The following SMARCB1 variants were observed in gnomAD, a reference collection of about 807,000 sequenced individuals.
SMARCB1 encodes SWI/SNF related BAF chromatin remodeling complex subunit B1, also known as SWI/SNF-related matrix-associated actin-dependent regulator of chromatin subfamily B member 1.
SMARCB1 carries 5 observed loss-of-function variants against 49.0 expected under a neutral mutation model. The observed-to-expected ratio is 0.10, with a 90% confidence interval of 0.05 to 0.21. SMARCB1 has a LOEUF of 0.21. Ranked by LOEUF, SMARCB1 falls within the 10% of genes least tolerant of loss-of-function variation. SMARCB1 has a pLI of 1.00. For missense variants in SMARCB1, 226 were observed against 509.2 expected (o/e 0.44, Z 5.35); for synonymous variants, 201 against 200.1 (o/e 1.00, Z -0.04).
intron 6 of SMARCB1, chr22:23,817,644 C>T (rs961089333): frequency 6.6e-6 from 1 of 152,448 alleles, no homozygotes; most frequent in Non-Finnish European, 1.5e-5. Context: ...TCTTTGGGGT[C>T]GAGGAGCCTC....
intron 5 of SMARCB1, among the ~76,000 whole-genome samples, chr22:23,813,357 C>T (rs1355788786): frequency 6.6e-6 from 1 of 152,218 alleles, no homozygotes; most frequent in Non-Finnish European, 1.5e-5. Context: ...TTGCAGATGA[C>T]ATGATTGTCC....
At chr22:23,799,512 G>GTT (rs533099329) in intron 3 of SMARCB1, among the ~76,000 whole-genome samples, 15,672 of 107,784 alleles carry the variant, frequency 0.15, 1,573 homozygotes, top group Middle Eastern at 0.23. Flanking sequence ...TCACCTTTTG[G>GTT]TTTTTTTTTT....
chr22:23,796,010 C>T (rs989342809), intron 3 of SMARCB1, among the ~76,000 whole-genome samples: 1 of 151,944 alleles, frequency 6.6e-6, no homozygotes, highest in African/African-American at 2.4e-5. Context: ...CCAGGCTGGT[C>T]TCGAACTCCT....
intron 1 of SMARCB1, among the ~76,000 whole-genome samples, chr22:23,787,942 C>A (rs1196653716): frequency 6.6e-6 from 1 of 152,204 alleles, no homozygotes; most frequent in Non-Finnish European, 1.5e-5. Context: ...TAACCCTTAA[C>A]TAGAGTGGCT....
At chr22:23,787,859 C>G (rs1928112726) in intron 1 of SMARCB1, among the ~76,000 whole-genome samples, 1 of 152,190 alleles carries the variant, frequency 6.6e-6, no homozygotes, top group Non-Finnish European at 1.5e-5. Context: ...TTCAGCAGTT[C>G]TGAAGCGATT....
intron 6 of SMARCB1, chr22:23,817,795 C>T (rs1930285646): frequency 6.7e-6 from 1 of 149,222 alleles, no homozygotes; most frequent in Non-Finnish European, 1.5e-5. Flanking sequence ...CCAGCAACTT[C>T]CTCTGTGGTC....
At chr22:23,806,634 A>T (rs958971004) in intron 5 of SMARCB1, among the ~76,000 whole-genome samples, 1 of 152,240 alleles carries the variant, frequency 6.6e-6, no homozygotes, top group African/African-American at 2.4e-5. Context: ...CTTCAGAATC[A>T]GGATTGGCCA....
chr22:23,825,041 C>T, intron 6 of SMARCB1, 184 bp from the exon 7 acceptor site: 1 of 634,012 alleles, frequency 1.6e-6, no homozygotes, highest in East Asian at 2.7e-5. Flanking sequence ...CCCCTCATGG[C>T]AGACAGGGTT....
At chr22:23,796,965 G>A (rs1928787982) in intron 3 of SMARCB1, among the ~76,000 whole-genome samples, 1 of 151,998 alleles carries the variant, frequency 6.6e-6, no homozygotes, top group African/African-American at 2.4e-5. Context: ...CTCTCTCAGG[G>A]ATGCTGGGAT....
At chr22:23,806,708 G>A (rs1325005776) in intron 5 of SMARCB1, among the ~76,000 whole-genome samples, 2 of 152,046 alleles carry the variant, frequency 1.3e-5, no homozygotes, top group Non-Finnish European at 2.9e-5. Flanking sequence ...GATCACTTGA[G>A]GCCAGGAGTT....
intron 5 of SMARCB1, chr22:23,816,383 C>A (rs1930198072): frequency 2.6e-6 from 1 of 383,618 alleles, no homozygotes; most frequent in African/African-American, 2.1e-5. Flanking sequence ...TCTGTGCCAT[C>A]ACGTCTGCCA....
Position 23,834,731 on chromosome 22 carries a change from C to A in SMARCB1, c.*551C>A. The A allele has an allele frequency of 6.8e-7, 1 of 1,465,176 alleles. No individual in the cohort carries two copies. Among genetic ancestry groups the A allele is most frequent in the African/African-American group, 1.4e-5 (1 of 71,296 alleles). The allele number at this position is 1,465,176 out of a possible 1,614,324, so 90.8% of individuals were successfully genotyped here. ...AGCTCCCCTCAGCCTGTTCTCCTTC[C>A]AGACCCAGAGAGCTGAGAAGAGTAG... On this transcript the variant is annotated 3_prime_UTR_variant, in exon 9 of 9. Coordinates refer to ENST00000644036, the MANE Select transcript of SMARCB1 (RefSeq NM_003073.5).
chr22:23,825,196 T>A lies in SMARCB1; in HGVS notation c.796-29T>A, dbSNP rs565395305. The A allele has an allele frequency of 2.1e-5, 34 of 1,610,612 alleles. No individual in the cohort carries two copies. The Admixed American group carries it at 5.0e-4, about 24-fold the overall frequency. The stretch of plus-strand genomic sequence containing the variant: ...CGGCCTCCCTGGGCTGCAAAAGCTC[T>A]AACTTGTGTCCTTTGGTTGTTGCCT... On this transcript the variant is annotated intron_variant, in intron 6 of 8. Coordinates refer to ENST00000644036, the MANE Select transcript of SMARCB1 (RefSeq NM_003073.5).
Position 23,825,669 on chromosome 22 carries a change from G to A in SMARCB1, c.986+254G>A, listed in dbSNP as rs2030346089. 5 of 541,194 alleles carry A rather than the reference G, an allele frequency of 9.2e-6. No homozygotes were observed. In the East Asian group the frequency reaches 1.5e-4, roughly 17 times the overall value. The allele number at this position is 541,194 out of a possible 1,614,324, so 33.5% of individuals were successfully genotyped here. A position where few individuals can be genotyped will look rare whatever the true frequency, so the allele number is the denominator to read the frequency against. On this transcript the variant is annotated intron_variant, in intron 7 of 8. Transcript: ENST00000644036. ...GGAGTTCTGTCAGGGTGAACCTCAA[G>A]TCCTTGCCTCCACGGAGCCCTGGCC...
At chr22:23,822,283 T>C (rs982925882) in intron 6 of SMARCB1, among the ~76,000 whole-genome samples, 5 of 152,168 alleles carry the variant, frequency 3.3e-5, no homozygotes, top group Non-Finnish European at 5.9e-5. Flanking sequence ...TGCTGCAGTT[T>C]GAGCCATCAG....
chr22:23,805,960 C>CT (rs1399927621), intron 5 of SMARCB1, among the ~76,000 whole-genome samples: 1 of 152,150 alleles, frequency 6.6e-6, no homozygotes, highest in Non-Finnish European at 1.5e-5. Flanking sequence ...TGCAAGGAAG[C>CT]TTACCATAAG....
intron 3 of SMARCB1, among the ~76,000 whole-genome samples, chr22:23,799,099 T>C (rs920947118): frequency 2.7e-5 from 4 of 148,564 alleles, no homozygotes; most frequent in African/African-American, 1.0e-4. Flanking sequence ...AATGGTTGAA[T>C]AGTTATTGTG....
intron 5 of SMARCB1, among the ~76,000 whole-genome samples, chr22:23,811,705 G>T (rs1929878620): frequency 6.6e-6 from 1 of 152,202 alleles, no homozygotes; most frequent in Non-Finnish European, 1.5e-5. Context: ...GTGCAATACA[G>T]ATTATCTGTA....
intron 6 of SMARCB1, chr22:23,817,838 A>ATTAT (rs1470573246): frequency 1.7e-5 from 2 of 115,850 alleles, no homozygotes; most frequent in African/African-American, 6.6e-5. Context: ...TATCTTATTT[A>ATTAT]GTTAGTCAAG....
Sources: gnomAD v4.1 joint callset for allele counts (sites outside exome capture counted in the v4.1 genomes callset) on GRCh38, gnomAD v4.1.1 for gene constraint, MANE v1.5 for transcripts, NCBI Gene and HGNC (gene_info 2026-07-23, HGNC 2026-07-21) for gene names.